RIPK2: variants seen among roughly 807,000 people sequenced by gnomAD.
RIPK2 encodes the protein receptor-interacting serine/threonine-protein kinase 2.
In RIPK2, 38 loss-of-function variants were observed where a neutral mutation model predicts 60.9. The ratio of observed to expected loss-of-function variants is 0.62; its 90% CI spans 0.48 to 0.82. The LOEUF (loss-of-function observed/expected upper bound fraction) is 0.82, where lower values mean the gene tolerates loss of function less well. Ranked by LOEUF, RIPK2 falls within the 40% of genes least tolerant of loss-of-function variation. The pLI is 0.00. For synonymous variants in RIPK2, 225 were observed against 223.4 expected (o/e 1.01, Z -0.06); for missense variants, 518 against 647.0 (o/e 0.80, Z 2.16).
At chr8:89,780,665 GC>G (rs1235350996) in intron 7 of RIPK2, 2 of 152,088 alleles carry the variant, frequency 1.3e-5, no homozygotes, top group Non-Finnish European at 2.9e-5. Flanking sequence ...AAGTTGTAAT[GC>G]CTAGAGAATA....
chr8:89,767,480 G>A (rs1809247440), intron 3 of RIPK2, among the ~76,000 whole-genome samples: 1 of 151,656 alleles, frequency 6.6e-6, no homozygotes, highest in Non-Finnish European at 1.5e-5. Flanking sequence ...TTAGAATAAA[G>A]TGGTAGGGGA....
chr8:89,771,718 A>T (rs778971169), intron 4 of RIPK2, 23 bp from the exon 5 acceptor site: 2 of 1,533,948 alleles, frequency 1.3e-6, no homozygotes, highest in South Asian at 1.2e-5. Context: ...AATATGTAAC[A>T]TGTATGTTCT....
chr8:89,790,301 A>C lies in RIPK2; in HGVS notation c.1508A>C (p.Lys503Thr). 1.9e-6 allele frequency: 3 copies of C among 1,614,194 alleles called. No individual in the cohort carries two copies. The highest frequency in any genetic ancestry group is 2.5e-6 in the Non-Finnish European group (3 of 1,180,008). ...TTDIQGEEFA[K>T]VIVQKLKDNK... ...GACATCCAAGGAGAAGAATTTGCCA[A>C]AGTTATAGTACAAAAATTGAAAGAT... Residue 503 changes from lysine to threonine, a missense_variant, in exon 11 of 11, where the codon AAA becomes ACA. By Grantham distance (78) the Lys-to-Thr change is moderately conservative. Around this residue, in one of 3 missense-constraint regions of RIPK2, gnomAD observed 41 missense variants for 43.7 expected, o/e 0.94. Transcript: ENST00000220751.
Position 89,775,286 on chromosome 8 carries a change from TA to T in RIPK2, c.853+2468del, listed in dbSNP as rs917298123. Among the ~76,000 whole-genome samples the T allele has an allele frequency of 4.2e-3, 616 of 147,908 alleles. 2 individuals are homozygous for T. The highest frequency in any genetic ancestry group is 0.015 in the African/African-American group (586 of 40,274). The stretch of plus-strand genomic sequence containing the variant: ...CACCTTGTCTCAACAAAAATAAAAA[TA>T]AAAAAAAAATAAAAAATTAGCCAGA... On this transcript the variant is annotated intron_variant, in intron 6 of 10. Transcript: ENST00000220751.
chr8:89,771,047 A>G (rs577486041), intron 4 of RIPK2, among the ~76,000 whole-genome samples: 1 of 152,022 alleles, frequency 6.6e-6, no homozygotes, highest in African/African-American at 2.4e-5. Context: ...TAAATCTGCC[A>G]GTCATTCATT....
At chr8:89,768,796 T>A (rs1252972017) in intron 3 of RIPK2, among the ~76,000 whole-genome samples, 8 of 151,756 alleles carry the variant, frequency 5.3e-5, no homozygotes, top group Non-Finnish European at 1.0e-4. Context: ...TTTTTTTATC[T>A]CAAATTCATC....
chr8:89,761,712 TAA>T (rs56259992), intron 1 of RIPK2, among the ~76,000 whole-genome samples: 1 of 146,744 alleles, frequency 6.8e-6, no homozygotes, highest in Non-Finnish European at 1.5e-5. Context: ...TCTGGTCTGT[TAA>T]AAAAAAAAAA....
At chr8:89,780,533 C>T (rs547668100) in intron 7 of RIPK2, 2 of 151,436 alleles carry the variant, frequency 1.3e-5, no homozygotes, top group East Asian at 3.9e-4. Context: ...AAAAAAAAGA[C>T]ATTTCCAGAA....
chr8:89,782,733 C>T (rs1224715654), intron 7 of RIPK2, among the ~76,000 whole-genome samples: 2 of 151,974 alleles, frequency 1.3e-5, no homozygotes, highest in Non-Finnish European at 2.9e-5. Flanking sequence ...AATCAGCTCC[C>T]GTAATTTATG....
chr8:89,780,871 T>C (rs897428569), intron 7 of RIPK2: 6 of 151,962 alleles, frequency 3.9e-5, no homozygotes, highest in Admixed American at 3.3e-4. Flanking sequence ...ATGAATTACC[T>C]AGGAGAGTTG....
intron 1 of RIPK2, among the ~76,000 whole-genome samples, chr8:89,761,531 C>G (rs1809144875): frequency 1.3e-5 from 2 of 152,202 alleles, no homozygotes; most frequent in African/African-American, 2.4e-5. Flanking sequence ...AACTCTACCA[C>G]TTTCTACTAA....
At chr8:89,775,573 G>C (rs1809383815) in intron 6 of RIPK2, among the ~76,000 whole-genome samples, 1 of 152,192 alleles carries the variant, frequency 6.6e-6, no homozygotes, top group Non-Finnish European at 1.5e-5. Context: ...AACTGAGAGA[G>C]AGTATCAGAA....
chr8:89,759,800 T>C (rs1313844339), intron 1 of RIPK2, among the ~76,000 whole-genome samples: 1 of 152,214 alleles, frequency 6.6e-6, no homozygotes, highest in South Asian at 2.1e-4. Context: ...AATGTAGCAC[T>C]GATGGACCCA....
intron 10 of RIPK2, 82 bp downstream of exon 10, chr8:89,789,564 G>T: frequency 7.5e-7 from 1 of 1,326,414 alleles, no homozygotes; most frequent in South Asian, 1.4e-5. Context: ...CATACAATGA[G>T]GTTTGTCTTT....
intron 6 of RIPK2, among the ~76,000 whole-genome samples, chr8:89,776,153 A>G (rs1809395520): frequency 6.6e-6 from 1 of 152,190 alleles, no homozygotes; most frequent in East Asian, 1.9e-4. Context: ...AAGGTACCAA[A>G]TAAGCATGCT....
chr8:89,789,539 G>A, intron 10 of RIPK2, 57 bp downstream of exon 10: 1 of 1,491,060 alleles, frequency 6.7e-7, no homozygotes, highest in Non-Finnish European at 9.2e-7. Context: ...ACATATCTGT[G>A]TTCAGTGGAT....
At chr8:89,783,990 T>G in intron 7 of RIPK2, 60 bp from the exon 8 acceptor site, 1 of 902,200 alleles carries the variant, frequency 1.1e-6, no homozygotes, top group South Asian at 1.5e-5. Flanking sequence ...TGTATTTTAC[T>G]TCTATAATTT....
At chr8:89,770,019 AT>A in intron 4 of RIPK2, 90 bp downstream of exon 4, 1 of 1,011,054 alleles carries the variant, frequency 9.9e-7, no homozygotes, top group Non-Finnish European at 1.4e-6. Context: ...TTAAACTGTG[AT>A]TTTTATTCTT....
chr8:89,786,984 G>A (rs571485176), intron 9 of RIPK2, among the ~76,000 whole-genome samples: 1 of 151,942 alleles, frequency 6.6e-6, no homozygotes, highest in Non-Finnish European at 1.5e-5. Context: ...TGGCCAACAT[G>A]GTGAAACCCC....
Sources: allele counts gnomAD v4.1 joint callset (sites outside exome capture counted in the v4.1 genomes callset), GRCh38; gene constraint gnomAD v4.1.1; regional missense constraint gnomAD v4.1.1; transcripts MANE v1.5; gene names NCBI Gene and HGNC (gene_info 2026-07-23, HGNC 2026-07-21).